Variants in CCDC148 observed in about 807,000 individuals in gnomAD.
CCDC148 encodes the protein coiled-coil domain-containing protein 148.
Under a neutral mutation model 85.7 loss-of-function variants are expected in CCDC148, and 89 were observed. The observed-to-expected ratio is 1.04, with a 90% confidence interval of 0.87 to 1.24. CCDC148 has a LOEUF of 1.24. CCDC148 is among the 50% of genes most tolerant of loss of function. The pLI, the probability that CCDC148 is intolerant of heterozygous loss-of-function variation, is 0.00. For synonymous variants in CCDC148, 230 were observed against 213.9 expected, an observed-to-expected ratio of 1.08 and a Z score of -0.66; for missense variants, 692 against 671.7, an observed-to-expected ratio of 1.03 and a Z score of -0.33.
At chr2:158,177,245 C>T (rs548105081) in intron 12 of CCDC148, among the ~76,000 whole-genome samples, 1 of 151,884 alleles carries the variant, frequency 6.6e-6, no homozygotes, top group Admixed American at 6.6e-5. Flanking sequence ...ATTGCAAAGT[C>T]ATTTTAACCC....
chr2:158,264,390 T>TTTTG (rs1689366445), intron 9 of CCDC148, among the ~76,000 whole-genome samples: 5 of 152,152 alleles, frequency 3.3e-5, no homozygotes, highest in Admixed American at 3.3e-4. Context: ...ATCACAAGAT[T>TTTTG]ATTAACTGGG....
intron 11 of CCDC148, among the ~76,000 whole-genome samples, chr2:158,201,973 T>C (rs1452394695): frequency 2.0e-5 from 3 of 152,156 alleles, no homozygotes; most frequent in Non-Finnish European, 2.9e-5. Context: ...CTCTTTCAAA[T>C]GGCATGGCAT....
At chr2:158,324,627 T>C (rs919225207) in intron 7 of CCDC148, among the ~76,000 whole-genome samples, 23 of 152,202 alleles carry the variant, frequency 1.5e-4, no homozygotes, top group African/African-American at 5.5e-4. Context: ...CTCACATTTA[T>C]AAAGATTTTT....
rs572802626 is a variant in CCDC148 at position 158,398,866 on chromosome 2, G to T, written c.26-40296C>A. On this transcript the variant is annotated intron_variant, in intron 1 of 13. Coordinates refer to ENST00000283233, the MANE Select transcript of CCDC148 (RefSeq NM_138803.4). ...GTTTTTTGAAAAGATCAACAAAATAGATAGACCACTAGCAAGACTAATAAA... is the reference window on the plus strand; with the variant it reads ...GTTTTTTGAAAAGATCAACAAAATATATAGACCACTAGCAAGACTAATAAA... Among the ~76,000 whole-genome samples the T allele has an allele frequency of 3.3e-5, 5 of 152,088 alleles. No homozygotes were observed. The South Asian group carries it at 6.2e-4, about 19-fold the overall frequency.
chr2:158,436,855 G>A (rs142821732), intron 1 of CCDC148, among the ~76,000 whole-genome samples: 11,374 of 152,204 alleles, frequency 0.075, 572 homozygotes, highest in Middle Eastern at 0.11. Flanking sequence ...ACACCTCTAC[G>A]GAAATAAACT....
In CCDC148 at chr2:158,408,821, G is replaced by C. The variant is rs564790832; in HGVS notation, c.25+47594C>G. Among the ~76,000 whole-genome samples the C allele has an allele frequency of 2.0e-5, 3 of 151,906 alleles. No individual in the cohort carries two copies. In the South Asian group the frequency reaches 6.2e-4, roughly 32 times the overall value. On this transcript the variant is annotated intron_variant, in intron 1 of 13. Coordinates refer to ENST00000283233, the MANE Select transcript of CCDC148 (RefSeq NM_138803.4). ...TACATCCCCACCAATAATGTCCAGG[G>C]TTCTATTTTCTCCACATCCTCACCA...
chr2:158,201,125 G>C (rs1685932743), intron 11 of CCDC148, among the ~76,000 whole-genome samples: 1 of 151,992 alleles, frequency 6.6e-6, no homozygotes, highest in South Asian at 2.1e-4. Flanking sequence ...GCTTTCTAGA[G>C]AGAGAAAAAT....
chr2:158,305,458 G>A (rs1346672484), intron 9 of CCDC148, among the ~76,000 whole-genome samples: 1 of 152,096 alleles, frequency 6.6e-6, no homozygotes, highest in Non-Finnish European at 1.5e-5. Context: ...AGGAACAAGA[G>A]TGTGGCAAGC....
intron 13 of CCDC148, among the ~76,000 whole-genome samples, chr2:158,175,746 G>A (rs1274409748): frequency 2.0e-5 from 3 of 151,976 alleles, no homozygotes; most frequent in African/African-American, 2.4e-5. Flanking sequence ...AGACATAAGC[G>A]GATGAATGGA....
chr2:158,192,207 C>G (rs752486419), intron 11 of CCDC148, among the ~76,000 whole-genome samples: 2 of 151,962 alleles, frequency 1.3e-5, no homozygotes, highest in African/African-American at 2.4e-5. Context: ...AGAAATAAAC[C>G]TCAAGAAACC....
At chr2:158,386,794 A>ACTC (rs1341075534) in intron 1 of CCDC148, among the ~76,000 whole-genome samples, 10 of 151,338 alleles carry the variant, frequency 6.6e-5, no homozygotes, top group Admixed American at 2.6e-4. Flanking sequence ...TCCTTCCCAT[A>ACTC]CTCCTTCCCA....
intron 1 of CCDC148, among the ~76,000 whole-genome samples, chr2:158,415,245 T>C (rs1029450303): frequency 1.3e-5 from 2 of 151,778 alleles, no homozygotes; most frequent in Non-Finnish European, 1.5e-5. Context: ...AGCAGACACA[T>C]TCTACATGGC....
At chr2:158,316,465 T>C (rs1692287080) in intron 7 of CCDC148, among the ~76,000 whole-genome samples, 1 of 152,178 alleles carries the variant, frequency 6.6e-6, no homozygotes, top group African/African-American at 2.4e-5. Flanking sequence ...TGTCACCATA[T>C]CCATTTTGAC....
chr2:158,270,727 T>C (rs1324015778), intron 9 of CCDC148, among the ~76,000 whole-genome samples: 1 of 152,186 alleles, frequency 6.6e-6, no homozygotes, highest in Non-Finnish European at 1.5e-5. Flanking sequence ...AGCTCAACTC[T>C]TTTTGGCACA....
At chr2:158,419,305 G>C (rs954490772) in intron 1 of CCDC148, among the ~76,000 whole-genome samples, 1 of 152,146 alleles carries the variant, frequency 6.6e-6, no homozygotes, top group Non-Finnish European at 1.5e-5. Context: ...GTTATATTAA[G>C]AATGAGTCAC....
intron 1 of CCDC148, among the ~76,000 whole-genome samples, chr2:158,408,748 A>G (rs1686130766): frequency 1.3e-5 from 2 of 152,148 alleles, no homozygotes; most frequent in South Asian, 4.1e-4. Context: ...TTGAATACAT[A>G]TATTTTTTGA....
At chr2:158,320,381 G>A (rs2105220209) in intron 7 of CCDC148, among the ~76,000 whole-genome samples, 1 of 152,258 alleles carries the variant, frequency 6.6e-6, no homozygotes, top group Non-Finnish European at 1.5e-5. Flanking sequence ...TGGGAATGGT[G>A]TAGTTATTCT....
At chr2:158,179,222 G>A (rs932692839) in intron 11 of CCDC148, among the ~76,000 whole-genome samples, 1 of 122,842 alleles carries the variant, frequency 8.1e-6, no homozygotes, top group Non-Finnish European at 1.6e-5. Flanking sequence ...GCAGAGGCAC[G>A]ATCTTGGCTC....
rs372511397 is a variant in CCDC148, at chr2:158,242,702, G to A, written c.1251+8070C>T. On this transcript the variant is annotated intron_variant, in intron 10 of 13. Transcript: ENST00000283233. ...TTATTCTGGTAAATACATCCTCTTA[G>A]ATCAACTCCAATACCTCCATATCTA... is the stretch of plus-strand genomic sequence containing the variant. Among the ~76,000 whole-genome samples the A allele has an allele frequency of 1.5e-3, 229 of 147,814 alleles. 2 individuals carry two copies. Among genetic ancestry groups the A allele is most frequent in the African/African-American group, 5.4e-3 (216 of 39,908 alleles).
Sources: gnomAD v4.1 joint callset for allele counts (sites outside exome capture counted in the v4.1 genomes callset) on GRCh38, gnomAD v4.1.1 for gene constraint, MANE v1.5 for transcripts, NCBI Gene and HGNC (gene_info 2026-07-23, HGNC 2026-07-21) for gene names.